The following SRRM4 variants were observed in gnomAD, a reference collection of about 807,000 sequenced individuals.
SRRM4 encodes the protein serine/arginine repetitive matrix protein 4.
SRRM4 carries 33 observed loss-of-function variants against 68.9 expected under a neutral mutation model. The observed-to-expected ratio is 0.48, with a 90% CI of 0.36 to 0.64. SRRM4 has a LOEUF of 0.64. Among genes scored for constraint, SRRM4 ranks in the 30% least tolerant of loss-of-function variants. The pLI is 0.00. For missense variants in SRRM4, 817 were observed against 827.1 expected, an observed-to-expected ratio of 0.99 and a Z score of 0.15; for synonymous variants, 318 against 318.8, an observed-to-expected ratio of 1.00 and a Z score of 0.03.
intron 1 of SRRM4, among the ~76,000 whole-genome samples, chr12:119,100,029 A>C (rs79269679): frequency 0.013 from 1,980 of 152,294 alleles, 32 homozygotes; most frequent in East Asian, 0.098. Flanking sequence ...GTGTCAAAGA[A>C]TCTAAGAACA....
chr12:119,095,323 A>G (rs950748394), intron 1 of SRRM4, among the ~76,000 whole-genome samples: 9 of 152,140 alleles, frequency 5.9e-5, no homozygotes, highest in Admixed American at 5.9e-4. Flanking sequence ...CTAGGCCTAC[A>G]TTCTCTATTG....
At chr12:119,127,787 G>A (rs916231139) in intron 7 of SRRM4, among the ~76,000 whole-genome samples, 1 of 151,778 alleles carries the variant, frequency 6.6e-6, no homozygotes, top group South Asian at 2.1e-4. Flanking sequence ...AGGTAGAAGG[G>A]GGAGAAGGAG....
intron 8 of SRRM4, among the ~76,000 whole-genome samples, chr12:119,143,889 G>T (rs928594266): frequency 6.6e-6 from 1 of 152,088 alleles, no homozygotes; most frequent in African/African-American, 2.4e-5. Flanking sequence ...CATCCCATAG[G>T]GATGGTTATC....
At chr12:119,062,665 C>T (rs1953821907) in intron 1 of SRRM4, among the ~76,000 whole-genome samples, 1 of 152,198 alleles carries the variant, frequency 6.6e-6, no homozygotes, top group South Asian at 2.1e-4. Context: ...AAGACACAAA[C>T]ACACACTTTA....
intron 1 of SRRM4, among the ~76,000 whole-genome samples, chr12:119,093,089 C>T (rs1306260548): frequency 2.6e-5 from 4 of 152,188 alleles, no homozygotes; most frequent in African/African-American, 7.2e-5. Context: ...TCAATGAGGG[C>T]TTCTCTGATT....
At chr12:118,984,381 C>G (rs957122710) in intron 1 of SRRM4, among the ~76,000 whole-genome samples, 2 of 152,172 alleles carry the variant, frequency 1.3e-5, no homozygotes, top group Non-Finnish European at 1.5e-5. Flanking sequence ...TAGAGGCAAT[C>G]TGGGGACTTG....
intron 1 of SRRM4, among the ~76,000 whole-genome samples, chr12:119,044,626 A>G (rs1565896387): frequency 6.6e-6 from 1 of 152,022 alleles, no homozygotes; most frequent in Admixed American, 6.6e-5. Flanking sequence ...CAAGTCCTTT[A>G]GCCTCCCTGA....
chr12:119,027,433 C>T (rs374570946), intron 1 of SRRM4, among the ~76,000 whole-genome samples: 5 of 152,284 alleles, frequency 3.3e-5, no homozygotes, highest in South Asian at 4.1e-4. Flanking sequence ...AATTTTCCTT[C>T]GTGATGTCAA....
At chr12:119,030,965 C>T (rs537861138) in intron 1 of SRRM4, 1 of 152,344 alleles carries the variant, frequency 6.6e-6, no homozygotes, top group East Asian at 1.9e-4. Context: ...TCTTTGCACA[C>T]ATCCATGATT....
chr12:119,048,057 CAG>C (rs1172659687), intron 1 of SRRM4, among the ~76,000 whole-genome samples: 1 of 152,228 alleles, frequency 6.6e-6, no homozygotes, highest in Non-Finnish European at 1.5e-5. Flanking sequence ...TTGCAGTTTT[CAG>C]AGTTTCACTG....
intron 12 of SRRM4, 56 bp from the exon 13 acceptor site, chr12:119,156,439 C>T (rs886201764): frequency 1.5e-5 from 23 of 1,517,218 alleles, no homozygotes; most frequent in Non-Finnish European, 2.0e-5. Context: ...CTGGGGCTCG[C>T]TGCGGGGAGG....
intron 1 of SRRM4, among the ~76,000 whole-genome samples, chr12:119,062,432 C>T (rs1303664580): frequency 1.3e-5 from 2 of 152,068 alleles, no homozygotes; most frequent in Non-Finnish European, 2.9e-5. Flanking sequence ...CTTACTTGTG[C>T]TTTTTGGGCT....
At chr12:119,009,962 C>T (rs1953438658) in intron 1 of SRRM4, among the ~76,000 whole-genome samples, 1 of 152,208 alleles carries the variant, frequency 6.6e-6, no homozygotes, top group Admixed American at 6.5e-5. Flanking sequence ...ACTGCTGTAA[C>T]TGGATCCCAT....
intron 10 of SRRM4, among the ~76,000 whole-genome samples, chr12:119,152,213 A>G (rs1032334001): frequency 1.3e-5 from 2 of 152,206 alleles, no homozygotes; most frequent in African/African-American, 2.4e-5. Context: ...CAACTATACA[A>G]TCAAAAAACA....
At chr12:119,084,061 A>G (rs1351293671) in intron 1 of SRRM4, among the ~76,000 whole-genome samples, 1 of 152,200 alleles carries the variant, frequency 6.6e-6, no homozygotes, top group Non-Finnish European at 1.5e-5. Flanking sequence ...AGCAAGCGCT[A>G]TTACACTTCC....
intron 1 of SRRM4, among the ~76,000 whole-genome samples, chr12:119,020,086 A>T (rs748410350): frequency 6.6e-6 from 1 of 151,302 alleles, no homozygotes; most frequent in Non-Finnish European, 1.5e-5. Context: ...AGTAGGGTAA[A>T]CTCCAGCCCT....
intron 7 of SRRM4, among the ~76,000 whole-genome samples, chr12:119,130,131 G>C (rs1565915449): frequency 6.6e-6 from 1 of 151,648 alleles, no homozygotes; most frequent in African/African-American, 2.4e-5. Flanking sequence ...ATGGATGGAT[G>C]AGTGGATGAA....
intron 9 of SRRM4, among the ~76,000 whole-genome samples, chr12:119,146,891 G>A (rs923568203): frequency 6.6e-6 from 1 of 151,650 alleles, no homozygotes; most frequent in Non-Finnish European, 1.5e-5. Flanking sequence ...AGCCGAGATT[G>A]CGCCAGTGCA....
At chr12:119,019,802 G>T (rs556097050) in intron 1 of SRRM4, among the ~76,000 whole-genome samples, 1 of 152,238 alleles carries the variant, frequency 6.6e-6, no homozygotes, top group African/African-American at 2.4e-5. Context: ...AGAGGTAGAA[G>T]GAGGATGTTT....
Sources: allele counts gnomAD v4.1 joint callset (sites outside exome capture counted in the v4.1 genomes callset), GRCh38; gene constraint gnomAD v4.1.1; transcripts MANE v1.5; gene names NCBI Gene and HGNC (gene_info 2026-07-23, HGNC 2026-07-21).